Variants in TAS2R3 observed in about 807,000 individuals in gnomAD.
TAS2R3 encodes taste 2 receptor member 3.
Under a neutral mutation model 15.3 loss-of-function variants are expected in TAS2R3, and 10 were observed. The ratio of observed to expected loss-of-function variants is 0.65; its 90% CI spans 0.40 to 1.11. TAS2R3 has a LOEUF of 1.11. Among genes scored for constraint, TAS2R3 ranks in the 50% least tolerant of loss-of-function variants. The pLI is 0.00. For missense variants in TAS2R3, 383 were observed against 370.3 expected (o/e 1.03, Z -0.28); for synonymous variants, 162 against 141.3 (o/e 1.15, Z -1.04).
chr7:141,764,201 A>G lies in TAS2R3; in HGVS notation c.43A>G (p.Thr15Ala). The G allele has an allele frequency of 6.2e-7, 1 of 1,614,060 alleles. No homozygotes were observed. Residue 15 changes from threonine (T) to alanine (A), a missense_variant, in exon 1 of 1, where the codon ACT (threonine) becomes GCT (alanine). Thr to Ala is a moderately conservative substitution (Grantham distance 58). Transcript: ENST00000247879. ...GGGGGTGTTCCTGATTCTGTCTGGC[A>G]CTCAGTTCACACTGGGAATTCTGGT... Reference protein sequence around the residue: ...TEGVFLILSGTQFTLGILVNC... With the variant: ...TEGVFLILSGAQFTLGILVNC...
chr7:141,764,759 T>A lies in TAS2R3; in HGVS notation c.601T>A (p.Ser201Thr), dbSNP rs1276942572. The change falls in exon 1 of 1, where the codon TCT becomes ACT. Residue 201 changes from serine (S) to threonine (T), a missense_variant. Ser to Thr is a moderately conservative substitution (Grantham distance 58, BLOSUM62 1). Transcript: ENST00000247879. Reference protein sequence around the residue: ...PPLIVSLASYSLLIFSLGRHT... With the variant: ...PPLIVSLASYTLLIFSLGRHT... ...CTTAATTGTGTCCCTGGCCTCCTACTCTTTGCTCATCTTCTCCCTGGGGAG... is the reference window on the plus strand; with the variant it reads ...CTTAATTGTGTCCCTGGCCTCCTACACTTTGCTCATCTTCTCCCTGGGGAG... The A allele has an allele frequency of 7.4e-6, 12 of 1,613,866 alleles. No individual in the cohort carries two copies. Among genetic ancestry groups the A allele is most frequent in the Non-Finnish European group, 1.0e-5 (12 of 1,179,856 alleles).
Position 141,764,959 on chromosome 7 carries a change from G to T in TAS2R3, c.801G>T (p.Met267Ile). The T allele has an allele frequency of 6.2e-7, 1 of 1,614,196 alleles. No homozygotes were observed. Among genetic ancestry groups the T allele is most frequent in the South Asian group, 1.1e-5 (1 of 91,070 alleles). Residue 267 changes from methionine to isoleucine, a missense_variant, in exon 1 of 1, where the codon ATG becomes ATT. Met to Ile is a conservative substitution (Grantham distance 10). Coordinates refer to ENST00000247879, the MANE Select transcript of TAS2R3 (RefSeq NM_016943.2). ...TACCAAAAACCAAGATGGCTAAGAT[G>T]ATTGGCGAAGTAATGACAATGTTTT... ...NFLPKTKMAK[M>I]IGEVMTMFYP... is the part of the protein sequence containing the mutation.
chr7:141,764,551 A>T lies in TAS2R3; in HGVS notation c.393A>T (p.Val131=). Reference sequence around the variant, plus strand: ...AGTGGAGAGTTTCTAGGGTGATGGTATGGATGCTGTTGGGTGCACTGCTCT... The same window carrying T: ...AGTGGAGAGTTTCTAGGGTGATGGTTTGGATGCTGTTGGGTGCACTGCTCT... ...WLKWRVSRVM[V]WMLLGALLLS... Residue 131 remains valine (V), a synonymous_variant, in exon 1 of 1, where the codon GTA becomes GTT. Transcript: ENST00000247879. 2 of 1,614,090 alleles carry T rather than the reference A, an allele frequency of 1.2e-6. No homozygotes were observed. The highest frequency in any genetic ancestry group is 1.1e-5 in the South Asian group (1 of 91,068).
rs369508161 is a variant in TAS2R3, at chr7:141,764,320, G to C, written c.162G>C (p.Leu54Phe). ...TCATCATCACCACCCTGGCACTCTT[G>C]AGGATCATTCTGCTGTGTATTATCT... ...SDFIITTLAL[L>F]RIILLCIILT... Residue 54 changes from leucine to phenylalanine, a missense_variant, in exon 1 of 1, where the codon TTG (leucine) becomes TTC (phenylalanine). Leu to Phe is a conservative substitution (Grantham distance 22). Coordinates refer to ENST00000247879, the MANE Select transcript of TAS2R3 (RefSeq NM_016943.2). 2 of 1,614,210 alleles carry C rather than the reference G, an allele frequency of 1.2e-6. No homozygotes were observed. Among genetic ancestry groups the C allele is most frequent in the Non-Finnish European group, 1.7e-6 (2 of 1,180,042 alleles).
chr7:141,764,339 A>G lies in TAS2R3; in HGVS notation c.181A>G (p.Ile61Val), dbSNP rs1409254947. 3.1e-6 allele frequency: 5 copies of G among 1,614,104 alleles called. No individual in the cohort carries two copies. The highest frequency in any genetic ancestry group is 1.6e-4 in the Middle Eastern group (1 of 6,084). Residue 61 changes from isoleucine to valine, a missense_variant, in exon 1 of 1, where the codon ATT (isoleucine) becomes GTT (valine). Coordinates refer to ENST00000247879, the MANE Select transcript of TAS2R3 (RefSeq NM_016943.2). ...LALLRIILLCIILTDSFLIEF... is the reference protein window; with the variant it reads ...LALLRIILLCVILTDSFLIEF... ...ACTCTTGAGGATCATTCTGCTGTGT[A>G]TTATCTTGACTGATAGTTTTTTAAT...
chr7:141,764,797 G>A lies in TAS2R3; in HGVS notation c.639G>A (p.Gln213=). Residue 213 remains glutamine, a synonymous_variant, in exon 1 of 1, where the codon CAG becomes CAA. Coordinates refer to ENST00000247879, the MANE Select transcript of TAS2R3 (RefSeq NM_016943.2). ...TCTCCCTGGGGAGGCACACACGGCAGATGCTGCAAAATGGGACAAGCTCCA... is the reference window on the plus strand; with the variant it reads ...TCTCCCTGGGGAGGCACACACGGCAAATGCTGCAAAATGGGACAAGCTCCA... ...LIFSLGRHTR[Q]MLQNGTSSRD... is the part of the protein sequence containing the mutation. The A allele has an allele frequency of 1.2e-5, 19 of 1,614,092 alleles. No homozygotes were observed. Among genetic ancestry groups the A allele is most frequent in the Non-Finnish European group, 1.4e-5 (17 of 1,179,958 alleles).
Position 141,764,740 on chromosome 7 carries a change from T to A in TAS2R3, c.582T>A (p.Ile194=), listed in dbSNP as rs1407687921. The A allele has an allele frequency of 1.2e-6, 2 of 1,613,896 alleles. No individual in the cohort carries two copies. The highest frequency in any genetic ancestry group is 3.3e-5 in the Admixed American group (2 of 59,998). ...CTCTGTGGTACCTGCCTCCCTTAAT[T>A]GTGTCCCTGGCCTCCTACTCTTTGC... is the stretch of plus-strand genomic sequence containing the variant. ...LGTLWYLPPL[I]VSLASYSLLI... Residue 194 remains isoleucine (I), a synonymous_variant, in exon 1 of 1, where the codon ATT becomes ATA. Transcript: ENST00000247879.
In TAS2R3 at chr7:141,764,410, T is replaced by C. The variant is rs770414249; in HGVS notation, c.252T>C (p.Ile84=). The C allele has an allele frequency of 3.1e-6, 5 of 1,614,000 alleles. No individual in the cohort carries two copies. The African/African-American group carries it at 5.3e-5, about 17-fold the overall frequency. ...ATGATTCAGGGATAATAATGCAAAT[T>C]ATTGATGTTTCCTGGACATTTACAA... is the stretch of plus-strand genomic sequence containing the variant. The part of the protein sequence containing the change: ...NTHDSGIIMQ[I]IDVSWTFTNH... The change falls in exon 1 of 1, where the codon ATT becomes ATC. Residue 84 remains isoleucine, a synonymous_variant. Transcript: ENST00000247879.
rs1800102577 is a variant in TAS2R3, at chr7:141,764,632, T to A, written c.474T>A (p.Phe158Leu). 1.9e-6 allele frequency: 3 copies of A among 1,614,046 alleles called. No individual in the cohort carries two copies. Among genetic ancestry groups the A allele is most frequent in the Non-Finnish European group, 2.5e-6 (3 of 1,180,052 alleles). ...ATGAGTTTAAGCTCTATTCTGTCTTTAGGGGAATTGAGGCCACCAGGAATG... is the reference window on the plus strand; with the variant it reads ...ATGAGTTTAAGCTCTATTCTGTCTTAAGGGGAATTGAGGCCACCAGGAATG... ...LINEFKLYSV[F>L]RGIEATRNVT... The change falls in exon 1 of 1, where the codon TTT becomes TTA. Residue 158 changes from phenylalanine to leucine, a missense_variant. Transcript: ENST00000247879.
In TAS2R3 at chr7:141,764,377, C is replaced by T; in HGVS notation, c.219C>T (p.Pro73=). 1.2e-6 allele frequency: 2 copies of T among 1,614,126 alleles called. No homozygotes were observed. Among genetic ancestry groups the T allele is most frequent in the Non-Finnish European group, 1.7e-6 (2 of 1,180,020 alleles). The change falls in exon 1 of 1, where the codon CCC becomes CCT. Residue 73 remains proline, a synonymous_variant. Transcript: ENST00000247879. The part of the protein sequence containing the change: ...LTDSFLIEFS[P]NTHDSGIIMQ... ...ATAGTTTTTTAATAGAATTCTCTCC[C>T]AACACACATGATTCAGGGATAATAA...
At position 141,765,069 on chromosome 7, in the gene TAS2R3, G is replaced by A; in HGVS notation, c.911G>A (p.Gly304Asp). The change falls in exon 1 of 1, where the codon GGT becomes GAT. Residue 304 changes from glycine to aspartate, a missense_variant. Physicochemically the swap from Gly to Asp is moderately conservative, Grantham distance 94. Coordinates refer to ENST00000247879, the MANE Select transcript of TAS2R3 (RefSeq NM_016943.2). Reference protein sequence around the residue: ...TFVVMLRCESGHLKPGSKGPI... With the variant: ...TFVVMLRCESDHLKPGSKGPI... ...GTAGTGATGCTCCGGTGTGAGTCTG[G>A]TCATCTGAAGCCTGGATCCAAGGGA... The A allele has an allele frequency of 4.3e-6, 7 of 1,613,934 alleles. No homozygotes were observed. The highest frequency in any genetic ancestry group is 5.9e-6 in the Non-Finnish European group (7 of 1,179,898).
At position 141,764,189 on chromosome 7, in the gene TAS2R3, A is replaced by G; in HGVS notation, c.31A>G (p.Ile11Val). 6.2e-7 allele frequency: 1 copy of G among 1,613,816 alleles called. No individual in the cohort carries two copies. Among genetic ancestry groups the G allele is most frequent in the Non-Finnish European group, 8.5e-7 (1 of 1,179,954 alleles). ...GGGACTCACCGAGGGGGTGTTCCTG[A>G]TTCTGTCTGGCACTCAGTTCACACT... Reference protein sequence around the residue: MMGLTEGVFLILSGTQFTLGI... With the variant: MMGLTEGVFLVLSGTQFTLGI... The change falls in exon 1 of 1, where the codon ATT (isoleucine) becomes GTT (valine). Residue 11 changes from isoleucine (I) to valine (V), a missense_variant. Coordinates refer to ENST00000247879, the MANE Select transcript of TAS2R3 (RefSeq NM_016943.2).
Position 141,764,647 on chromosome 7 carries a change from C to T in TAS2R3, c.489C>T (p.Ala163=). ...ATTCTGTCTTTAGGGGAATTGAGGC[C>T]ACCAGGAATGTGACTGAACACTTCA... ...KLYSVFRGIE[A]TRNVTEHFRK... is the part of the protein sequence containing the mutation. Residue 163 remains alanine (A), a synonymous_variant, in exon 1 of 1, where the codon GCC becomes GCT. Transcript: ENST00000247879. 6.2e-7 allele frequency: 1 copy of T among 1,614,112 alleles called. No individual in the cohort carries two copies. The highest frequency in any genetic ancestry group is 8.5e-7 in the Non-Finnish European group (1 of 1,180,016).
Position 141,764,298 on chromosome 7 carries a change from T to G in TAS2R3, c.140T>G (p.Ile47Ser). The change falls in exon 1 of 1, where the codon ATC (isoleucine) becomes AGC (serine). Residue 47 changes from isoleucine (I) to serine (S), a missense_variant. Transcript: ENST00000247879. ...KTKRMSLSDFIITTLALLRII... is the reference protein window; with the variant it reads ...KTKRMSLSDFSITTLALLRII... ...AAGAGAATGTCTTTGTCTGACTTCA[T>G]CATCACCACCCTGGCACTCTTGAGG... 1 of 1,614,216 alleles carries G rather than the reference T, an allele frequency of 6.2e-7. No individual in the cohort carries two copies. Among genetic ancestry groups the G allele is most frequent in the Non-Finnish European group, 8.5e-7 (1 of 1,180,036 alleles).
chr7:141,764,578 A>G lies in TAS2R3; in HGVS notation c.420A>G (p.Leu140=). Residue 140 remains leucine (L), a synonymous_variant, in exon 1 of 1, where the codon TTA becomes TTG. Coordinates refer to ENST00000247879, the MANE Select transcript of TAS2R3 (RefSeq NM_016943.2). ...GGATGCTGTTGGGTGCACTGCTCTT[A>G]TCCTGTGGTAGTACCGCATCTCTGA... The part of the protein sequence containing the change: ...MVWMLLGALL[L]SCGSTASLIN... The G allele has an allele frequency of 6.2e-7, 1 of 1,613,982 alleles. No individual in the cohort carries two copies.
At chr7:141,765,054 TC>T in the TAS2R3 span, 1 of 1,614,148 alleles carries the variant, frequency 6.2e-7, no homozygotes. Flanking sequence ...GTAGTGATGC[TC>T]CGGTGTGAGT....
In TAS2R3 at chr7:141,764,280, T is replaced by C; in HGVS notation, c.122T>C (p.Met41Thr). 6.2e-7 allele frequency: 1 copy of C among 1,614,242 alleles called. No individual in the cohort carries two copies. The highest frequency in any genetic ancestry group is 8.5e-7 in the Non-Finnish European group (1 of 1,180,042). The change falls in exon 1 of 1, where the codon ATG (methionine) becomes ACG (threonine). Residue 41 changes from methionine to threonine, a missense_variant. Coordinates refer to ENST00000247879, the MANE Select transcript of TAS2R3 (RefSeq NM_016943.2). ...NGSSWFKTKR[M>T]SLSDFIITTL... ...AGCAGCTGGTTCAAGACCAAGAGAA[T>C]GTCTTTGTCTGACTTCATCATCACC...
rs762184727 is a variant in TAS2R3 at position 141,764,937 on chromosome 7, C to G, written c.779C>G (p.Pro260Arg). ...ATTGCATCATTTGGTAATTTCCTAC[C>G]AAAAACCAAGATGGCTAAGATGATT... Reference protein sequence around the residue: ...FLIASFGNFLPKTKMAKMIGE... With the variant: ...FLIASFGNFLRKTKMAKMIGE... The change falls in exon 1 of 1, where the codon CCA becomes CGA. Residue 260 changes from proline (P) to arginine (R), a missense_variant. By Grantham distance (103) the Pro-to-Arg change is moderately radical. Transcript: ENST00000247879. 1.2e-6 allele frequency: 2 copies of G among 1,614,114 alleles called. No individual in the cohort carries two copies. Among genetic ancestry groups the G allele is most frequent in the East Asian group, 4.5e-5 (2 of 44,886 alleles).
chr7:141,764,665 A>C lies in TAS2R3; in HGVS notation c.507A>C (p.Glu169Asp), dbSNP rs765665497. ...TTGAGGCCACCAGGAATGTGACTGA[A>C]CACTTCAGAAAGAAGAGGAGTGAGT... The part of the protein sequence containing the change: ...RGIEATRNVT[E>D]HFRKKRSEYY... Residue 169 changes from glutamate to aspartate, a missense_variant, in exon 1 of 1, where the codon GAA (glutamate) becomes GAC (aspartate). Physicochemically the swap from Glu to Asp is conservative, Grantham distance 45. Coordinates refer to ENST00000247879, the MANE Select transcript of TAS2R3 (RefSeq NM_016943.2). 19 of 1,613,998 alleles carry C rather than the reference A, an allele frequency of 1.2e-5. No individual in the cohort carries two copies. Among genetic ancestry groups the C allele is most frequent in the Non-Finnish European group, 1.2e-5 (14 of 1,180,032 alleles).
Sources: allele counts gnomAD v4.1 joint callset, GRCh38; gene constraint gnomAD v4.1.1; transcripts MANE v1.5; gene names NCBI Gene and HGNC (gene_info 2026-07-23, HGNC 2026-07-21).